Variants in AIG1 observed in about 807,000 individuals in gnomAD.
The protein encoded by AIG1 is androgen induced 1, also known as androgen-induced gene 1 protein.
AIG1 carries 23 observed loss-of-function variants against 31.4 expected under a neutral mutation model. The observed-to-expected ratio is 0.73, with a 90% CI of 0.53 to 1.04. The LOEUF is 1.04. Among genes scored for constraint, AIG1 ranks in the 50% least tolerant of loss-of-function variants. The pLI is 0.00. For missense variants in AIG1, 274 were observed against 295.0 expected (o/e 0.93, Z 0.52); for synonymous variants, 100 against 110.5 (o/e 0.90, Z 0.60).
At chr6:143,112,343 C>A (rs139623589) in intron 1 of AIG1, among the ~76,000 whole-genome samples, 54 of 152,338 alleles carry the variant, frequency 3.5e-4, no homozygotes, top group African/African-American at 1.1e-3. Context: ...GGAACCTTTT[C>A]TCATTCCCCT....
chr6:143,082,545 T>C (rs1326171221), intron 1 of AIG1, among the ~76,000 whole-genome samples: 3 of 152,226 alleles, frequency 2.0e-5, no homozygotes, highest in Non-Finnish European at 4.4e-5. Context: ...AAGTCCCCTT[T>C]AGCAGTGAGT....
At chr6:143,159,181 T>C (rs1786089361) in intron 2 of AIG1, among the ~76,000 whole-genome samples, 1 of 152,158 alleles carries the variant, frequency 6.6e-6, no homozygotes, top group Admixed American at 6.5e-5. Flanking sequence ...GAGTAGAAAA[T>C]GCTATGGCCC....
intron 3 of AIG1, among the ~76,000 whole-genome samples, chr6:143,265,141 T>C (rs557639932): frequency 5.3e-5 from 8 of 152,324 alleles, no homozygotes; most frequent in African/African-American, 1.9e-4. Context: ...GTCCTTCTCC[T>C]TTCCTCCTGC....
At chr6:143,282,052 A>T (rs1294363046) in intron 3 of AIG1, among the ~76,000 whole-genome samples, 1 of 152,242 alleles carries the variant, frequency 6.6e-6, no homozygotes, top group Non-Finnish European at 1.5e-5. Flanking sequence ...CAGATGTCCT[A>T]TCTGGAAGAT....
chr6:143,305,801 A>T (rs1333212483), intron 4 of AIG1, among the ~76,000 whole-genome samples: 1 of 151,536 alleles, frequency 6.6e-6, no homozygotes, highest in Non-Finnish European at 1.5e-5. Flanking sequence ...TGTCTCGTTG[A>T]TCTGTCTAAT....
At chr6:143,321,277 C>T (rs1776188078) in intron 4 of AIG1, among the ~76,000 whole-genome samples, 1 of 151,890 alleles carries the variant, frequency 6.6e-6, no homozygotes, top group Admixed American at 6.6e-5. Flanking sequence ...TGTATACCTT[C>T]TTGTATATAA....
chr6:143,155,931 A>G (rs967929208), intron 2 of AIG1, among the ~76,000 whole-genome samples: 52 of 152,176 alleles, frequency 3.4e-4, no homozygotes, highest in African/African-American at 9.7e-4. Flanking sequence ...AAGATAAAGC[A>G]TAGATGGAGT....
At chr6:143,188,906 T>G (rs1200335252) in intron 3 of AIG1, 1 of 985,024 alleles carries the variant, frequency 1.0e-6, no homozygotes, top group Non-Finnish European at 1.2e-6. Context: ...TCAGTAAAAT[T>G]AATGCGTTTT....
intron 1 of AIG1, among the ~76,000 whole-genome samples, chr6:143,134,607 C>T (rs1783565068): frequency 1.3e-5 from 2 of 151,768 alleles, no homozygotes; most frequent in South Asian, 4.2e-4. Context: ...GCAGGAAATG[C>T]CCTTTATAAT....
rs988297907 is a variant in AIG1, at chr6:143,288,238, C to G, written c.515+4013C>G. Among the ~76,000 whole-genome samples the G allele has an allele frequency of 3.3e-5, 5 of 152,194 alleles. No individual in the cohort carries two copies. The highest frequency in any genetic ancestry group is 1.2e-4 in the African/African-American group (5 of 41,450). On this transcript the variant is annotated intron_variant, in intron 4 of 5. Coordinates refer to ENST00000357847, the MANE Select transcript of AIG1 (RefSeq NM_016108.4). The surrounding 1 kb of genome is among the most constrained non-coding windows in gnomAD (Gnocchi z 4.4). ...AAGATACAGAAAGAGGAAACCAACT[C>G]AGACCCTAGGAAATGTACACCCTCA...
intron 3 of AIG1, among the ~76,000 whole-genome samples, chr6:143,229,104 C>A (rs2128630231): frequency 6.6e-6 from 1 of 152,330 alleles, no homozygotes; most frequent in East Asian, 1.9e-4. Context: ...CAAGGCCTGA[C>A]TCCAGGAGTA....
chr6:143,156,306 G>A (rs1785746314), intron 2 of AIG1, among the ~76,000 whole-genome samples: 1 of 148,562 alleles, frequency 6.7e-6, no homozygotes, highest in South Asian at 2.2e-4. Context: ...TCCTACAATG[G>A]GGTTCTATGG....
At chr6:143,127,672 GT>G (rs1782809885) in intron 1 of AIG1, among the ~76,000 whole-genome samples, 1 of 151,296 alleles carries the variant, frequency 6.6e-6, no homozygotes, top group Admixed American at 6.6e-5. Flanking sequence ...ACTTGATATT[GT>G]TTTTTGGTGC....
intron 1 of AIG1, among the ~76,000 whole-genome samples, chr6:143,116,618 C>T (rs886376373): frequency 6.7e-6 from 1 of 150,238 alleles, no homozygotes; most frequent in Non-Finnish European, 1.5e-5. Context: ...CCTATTTTGC[C>T]AAATCCCTTT....
At chr6:143,060,575 T>C (rs3811093), upstream of AIG1, 74,159 of 382,420 alleles carry the variant, frequency 0.19, 9,667 homozygotes, top group East Asian at 0.45. Context: ...AGAGGTCGCA[T>C]CCACACCTGG....
upstream of AIG1, chr6:143,060,882 G>T: frequency 2.2e-6 from 3 of 1,357,832 alleles, no homozygotes; most frequent in Non-Finnish European, 9.6e-7. Context: ...CCTCCCTCAC[G>T]CCCGCCCTCC....
downstream of AIG1, among the ~76,000 whole-genome samples, chr6:143,343,597 T>TA (rs1777900364): frequency 6.6e-6 from 1 of 151,978 alleles, no homozygotes; most frequent in Non-Finnish European, 1.5e-5. Context: ...TCGTAAAAAA[T>TA]AAAAAAATAA....
chr6:143,199,364 T>TG (rs762481834), intron 3 of AIG1, among the ~76,000 whole-genome samples: 6 of 151,782 alleles, frequency 4.0e-5, no homozygotes, highest in East Asian at 1.9e-4. Flanking sequence ...AAGCAAAAGA[T>TG]GGGGGGGTGA....
chr6:143,278,016 C>T (rs1437192035), intron 3 of AIG1, among the ~76,000 whole-genome samples: 4 of 152,182 alleles, frequency 2.6e-5, no homozygotes, highest in East Asian at 1.9e-4. Flanking sequence ...TAATCCACAG[C>T]GAAGATTATT....
Sources: allele counts gnomAD v4.1 joint callset (sites outside exome capture counted in the v4.1 genomes callset), GRCh38; gene constraint gnomAD v4.1.1; non-coding constraint Gnocchi (gnomAD v3.1); transcripts MANE v1.5; gene names NCBI Gene and HGNC (gene_info 2026-07-23, HGNC 2026-07-21).